Variants in OPA3 observed in about 807,000 individuals in gnomAD.
The protein encoded by OPA3 is optic atrophy 3 protein.
Under a neutral mutation model 4.0 loss-of-function variants are expected in OPA3, and 6 were observed. That is an observed-to-expected ratio of 1.51 (90% CI 0.83 to 2.99). The LOEUF is 2.99. Among genes scored for constraint, OPA3 ranks in the 30% most tolerant of loss-of-function variants. The pLI is 0.00. For synonymous variants in OPA3, 105 were observed against 117.1 expected, an observed-to-expected ratio of 0.90 and a Z score of 0.67; for missense variants, 235 against 256.2, an observed-to-expected ratio of 0.92 and a Z score of 0.56.
chr19:45,555,415 A>G (rs1279841341), intron 1 of OPA3, among the ~76,000 whole-genome samples: 1 of 152,052 alleles, frequency 6.6e-6, no homozygotes, highest in African/African-American at 2.4e-5. Context: ...GGCTCACTGC[A>G]GCCTCGACCT....
At chr19:45,573,628 C>T (rs1369586894) in intron 1 of OPA3, among the ~76,000 whole-genome samples, 1 of 152,066 alleles carries the variant, frequency 6.6e-6, no homozygotes, top group African/African-American at 2.4e-5. Flanking sequence ...CAGAAAGTGG[C>T]AGAGCGGGGA....
At chr19:45,534,956 A>G (rs1243428142) in intron 1 of OPA3, among the ~76,000 whole-genome samples, 3 of 152,130 alleles carry the variant, frequency 2.0e-5, no homozygotes, top group African/African-American at 7.2e-5. Flanking sequence ...TAAGTTGGTA[A>G]ATAAACCTTT....
At chr19:45,576,480 G>A (rs1969768722) in intron 1 of OPA3, among the ~76,000 whole-genome samples, 1 of 151,834 alleles carries the variant, frequency 6.6e-6, no homozygotes, top group Non-Finnish European at 1.5e-5. Flanking sequence ...AGAGATTGCA[G>A]TGAGTTGAGA....
At chr19:45,535,822 T>C (rs895218515) in intron 1 of OPA3, among the ~76,000 whole-genome samples, 1 of 145,150 alleles carries the variant, frequency 6.9e-6, no homozygotes, top group Non-Finnish European at 1.5e-5. Context: ...TGGAGTGCAA[T>C]AGCACAATTA....
chr19:45,572,836 T>A (rs929468269), intron 1 of OPA3, among the ~76,000 whole-genome samples: 1 of 145,126 alleles, frequency 6.9e-6, no homozygotes. Context: ...TCGATATATA[T>A]CTATCTATAT....
rs1031262204 is a variant in OPA3, at chr19:45,552,226, T to A, written c.*1288A>T. ...GGCCAGGACCTTTTGTGGGTTTTTT[T>A]AAGATGGAGTTTTGCTCGTTACCCA... On this transcript the variant is annotated 3_prime_UTR_variant, in exon 2 of 2. Coordinates refer to ENST00000263275, the MANE Select transcript of OPA3 (RefSeq NM_025136.4). 6 of 984,864 alleles carry A rather than the reference T, an allele frequency of 6.1e-6. No individual in the cohort carries two copies. The African/African-American group carries it at 8.7e-5, about 14-fold the overall frequency. The allele number at this position is 984,864 out of a possible 1,614,324, so 61.0% of individuals were successfully genotyped here. A position where few individuals can be genotyped will look rare whatever the true frequency, so the allele number is the denominator to read the frequency against.
chr19:45,538,664 A>G (rs1031128810), intron 1 of OPA3, among the ~76,000 whole-genome samples: 1 of 151,876 alleles, frequency 6.6e-6, no homozygotes, highest in Non-Finnish European at 1.5e-5. Context: ...CGGAGGTTGC[A>G]GTGAGCCAAA....
At position 45,576,269 on chromosome 19, in the gene OPA3, G is replaced by A. The variant is rs1297221803; in HGVS notation, c.142+8354C>T. 4.0e-5 allele frequency among the ~76,000 whole-genome samples: 6 copies of A among 151,806 alleles called. No homozygotes were observed. The South Asian group carries it at 1.3e-3, about 32-fold the overall frequency. ...CAAAAAACTGGGCGCAGTGGCTCACGCCTGTAATCCCAGCACTTTGGGAGG... is the reference window on the plus strand; with the variant it reads ...CAAAAAACTGGGCGCAGTGGCTCACACCTGTAATCCCAGCACTTTGGGAGG... On this transcript the variant is annotated intron_variant, in intron 1 of 1. Transcript: ENST00000263275.
rs1969319387 is a variant in OPA3 at position 45,550,693 on chromosome 19, C to G, written c.*2821G>C. On this transcript the variant is annotated 3_prime_UTR_variant, in exon 2 of 2. Transcript: ENST00000263275. ...GGGCCTCTCCCCATCAGAACCCTCC[C>G]AGTTTCCCTCCTGATTTTAATAAGC... The G allele has an allele frequency of 3.0e-6, 3 of 985,868 alleles. No homozygotes were observed. The highest frequency in any genetic ancestry group is 9.4e-5 in the South Asian group (2 of 21,296). 61.1% of individuals were successfully genotyped at this position (985,868 alleles called of 1,614,324 possible). A position where few individuals can be genotyped will look rare whatever the true frequency, so the allele number is the denominator to read the frequency against.
At chr19:45,530,992 G>T (rs187726504) in intron 1 of OPA3, among the ~76,000 whole-genome samples, 1 of 105,860 alleles carries the variant, frequency 9.4e-6, no homozygotes, top group Non-Finnish European at 1.8e-5. Context: ...GTTTCACTAC[G>T]TTGGTCAGGC....
chr19:45,568,258 C>G (rs947579741), intron 1 of OPA3, among the ~76,000 whole-genome samples: 2 of 152,100 alleles, frequency 1.3e-5, no homozygotes, highest in African/African-American at 2.4e-5. Context: ...GACACAATCT[C>G]GGCTCACTGC....
intron 1 of OPA3, among the ~76,000 whole-genome samples, chr19:45,540,995 C>G (rs760960773): frequency 3.9e-5 from 6 of 152,122 alleles, no homozygotes; most frequent in Non-Finnish European, 7.4e-5. Flanking sequence ...GATTTTCCAG[C>G]ATCTAAACCC....
At chr19:45,583,155 C>CTT (rs368045812) in intron 1 of OPA3, among the ~76,000 whole-genome samples, 1 of 145,920 alleles carries the variant, frequency 6.9e-6, no homozygotes, top group African/African-American at 2.5e-5. Context: ...CACAGATCAC[C>CTT]TTTTTTTTTT....
chr19:45,582,221 C>T (rs545655960), intron 1 of OPA3, among the ~76,000 whole-genome samples: 4 of 151,022 alleles, frequency 2.6e-5, no homozygotes, highest in South Asian at 4.2e-4. Context: ...AATGAAGTGA[C>T]GCGATCTTGG....
chr19:45,570,376 GC>G (rs1266621534), intron 1 of OPA3, among the ~76,000 whole-genome samples: 1 of 152,172 alleles, frequency 6.6e-6, no homozygotes, highest in Non-Finnish European at 1.5e-5. Flanking sequence ...AGCTGTGACA[GC>G]CACATACAAA....
At chr19:45,566,594 C>T (rs993185810) in intron 1 of OPA3, among the ~76,000 whole-genome samples, 7 of 152,186 alleles carry the variant, frequency 4.6e-5, no homozygotes, top group Admixed American at 4.6e-4. Context: ...CCTCAGCTTC[C>T]CAAATAGCTG....
At chr19:45,529,020 C>A in exon 2 of OPA3, 1 of 1,585,108 alleles carries the variant, frequency 6.3e-7, no homozygotes, top group Non-Finnish European at 8.6e-7. Context: ...GCAGTCCAGA[C>A]AGCAGTCACC....
chr19:45,544,956 C>T, downstream of OPA3, among the ~76,000 whole-genome samples: 1 of 151,506 alleles, frequency 6.6e-6, no homozygotes, highest in Non-Finnish European at 1.5e-5. Context: ...GCACTCCAGC[C>T]TGGGCAACAA....
At chr19:45,532,480 T>C (rs1969070096) in intron 1 of OPA3, among the ~76,000 whole-genome samples, 1 of 152,014 alleles carries the variant, frequency 6.6e-6, no homozygotes, top group Admixed American at 6.6e-5. Context: ...CCCCTAAATG[T>C]GTGTCTTATC....
Sources: gnomAD v4.1 joint callset for allele counts (sites outside exome capture counted in the v4.1 genomes callset) on GRCh38, gnomAD v4.1.1 for gene constraint, MANE v1.5 for transcripts, NCBI Gene and HGNC (gene_info 2026-07-23, HGNC 2026-07-21) for gene names.